RELL1: variants seen among roughly 807,000 people sequenced by gnomAD.
The protein encoded by RELL1 is RELT-like protein 1.
A neutral mutation model predicts 23.0 loss-of-function variants in RELL1; 10 were observed. That is an observed-to-expected ratio of 0.43 (90% confidence interval 0.27 to 0.74). The LOEUF (loss-of-function observed/expected upper bound fraction) is 0.74. Among genes scored for constraint, RELL1 ranks in the 30% least tolerant of loss-of-function variants. The pLI is 0.19. For missense variants in RELL1, 315 were observed against 364.4 expected, an observed-to-expected ratio of 0.86 and a Z score of 1.10; for synonymous variants, 146 against 146.8, an observed-to-expected ratio of 0.99 and a Z score of 0.04.
In RELL1 at chr4:37,673,186, C is replaced by CTTT. The variant is rs71189095; in HGVS notation, c.88+13011_88+13013dup. ...CATCAAGACTATATACTTTTTTTTT[C>CTTT]TTTTTTTTTTTTTTTTTTTTTGAGA... On this transcript the variant is annotated intron_variant, in intron 1 of 6. Coordinates refer to ENST00000454158, the MANE Select transcript of RELL1 (RefSeq NM_001085400.2). Among the ~76,000 whole-genome samples the CTTT allele has an allele frequency of 3.3e-4, 31 of 93,176 alleles. 7 individuals carry two copies. Among genetic ancestry groups the CTTT allele is most frequent in the Admixed American group, 5.4e-4 (3 of 5,590 alleles). The allele number at this position is 93,176 out of a possible 152,430, so 61.1% of individuals were successfully genotyped here. A position where few individuals can be genotyped will look rare whatever the true frequency, so the allele number is the denominator to read the frequency against.
intron 1 of RELL1, among the ~76,000 whole-genome samples, chr4:37,671,047 G>A (rs1416553207): frequency 6.6e-6 from 1 of 152,096 alleles, no homozygotes; most frequent in African/African-American, 2.4e-5. Context: ...CACCAACCGG[G>A]TGTCCCACAA....
chr4:37,627,093 G>A (rs1286411823), intron 6 of RELL1, among the ~76,000 whole-genome samples: 3 of 152,270 alleles, frequency 2.0e-5, no homozygotes, highest in South Asian at 2.1e-4. Context: ...TTTAGCCATC[G>A]CAGTGTACAC....
chr4:37,615,926 C>G (rs1719559897), intron 6 of RELL1, among the ~76,000 whole-genome samples: 2 of 151,930 alleles, frequency 1.3e-5, no homozygotes, highest in Non-Finnish European at 2.9e-5. Flanking sequence ...CCATATGTCT[C>G]TGATTAGGAT....
chr4:37,604,829 AC>A (rs1719123322), intron 6 of RELL1, among the ~76,000 whole-genome samples: 1 of 90,020 alleles, frequency 1.1e-5, no homozygotes, highest in Admixed American at 1.1e-4. Context: ...ACAGACACAC[AC>A]ATACACACAG....
intron 6 of RELL1, among the ~76,000 whole-genome samples, chr4:37,592,551 T>G (rs1284418479): frequency 1.3e-5 from 2 of 152,268 alleles, no homozygotes; most frequent in East Asian, 3.9e-4. Context: ...ACAACCATTC[T>G]AACGTAACTC....
At chr4:37,642,032 G>A (rs913949564) in intron 3 of RELL1, among the ~76,000 whole-genome samples, 2 of 152,140 alleles carry the variant, frequency 1.3e-5, no homozygotes, top group African/African-American at 4.8e-5. Context: ...CTGACTCCAG[G>A]GTGGGTGCTT....
At chr4:37,605,842 A>AGAAAGAAAGAAG (rs1560324772), downstream of RELL1, among the ~76,000 whole-genome samples, 4 of 117,472 alleles carry the variant, frequency 3.4e-5, no homozygotes, top group Admixed American at 1.6e-4. Context: ...AAAGAAAGAA[A>AGAAAGAAAGAAG]GAAGGAAAAG....
intron 3 of RELL1, among the ~76,000 whole-genome samples, chr4:37,642,991 A>C (rs1720580874): frequency 6.6e-6 from 1 of 152,174 alleles, no homozygotes; most frequent in Admixed American, 6.5e-5. Context: ...ATAACAAGCC[A>C]GTACATGTAA....
Position 37,673,172 on chromosome 4 carries a change from T to C in RELL1, c.88+13028A>G, listed in dbSNP as rs149167620. Among the ~76,000 whole-genome samples, 601 of 132,920 alleles carry C rather than the reference T, an allele frequency of 4.5e-3. 8 individuals carry two copies. Among genetic ancestry groups the C allele is most frequent in the African/African-American group, 0.015 (542 of 35,598 alleles). 87.2% of individuals were successfully genotyped at this position (132,920 alleles called of 152,430 possible). On this transcript the variant is annotated intron_variant, in intron 1 of 6. Transcript: ENST00000454158. ...TCACACCACCAAGCCATCAAGACTA[T>C]ATACTTTTTTTTTCTTTTTTTTTTT...
At chr4:37,676,235 A>G (rs1722020990) in intron 1 of RELL1, among the ~76,000 whole-genome samples, 1 of 152,112 alleles carries the variant, frequency 6.6e-6, no homozygotes, top group South Asian at 2.1e-4. Flanking sequence ...CTGATAACCT[A>G]CTAGCTCCAT....
intron 1 of RELL1, among the ~76,000 whole-genome samples, chr4:37,668,525 G>T (rs1392785657): frequency 4.6e-5 from 7 of 152,032 alleles, no homozygotes; most frequent in South Asian, 2.1e-4. Flanking sequence ...GTGCTCAATG[G>T]TGCCCAGGCT....
intron 5 of RELL1, 53 bp from the exon 6 acceptor site, chr4:37,631,576 A>G: frequency 1.0e-5 from 16 of 1,587,186 alleles, no homozygotes; most frequent in Non-Finnish European, 1.2e-5. Flanking sequence ...ATAAACAAGA[A>G]TTATGAATAA....
At chr4:37,677,801 T>C (rs1722067494) in intron 1 of RELL1, among the ~76,000 whole-genome samples, 1 of 151,914 alleles carries the variant, frequency 6.6e-6, no homozygotes, top group Non-Finnish European at 1.5e-5. Context: ...TGAAACCCAG[T>C]CTCTACTTAA....
At chr4:37,615,535 G>C (rs1444494729) in intron 6 of RELL1, among the ~76,000 whole-genome samples, 1 of 152,108 alleles carries the variant, frequency 6.6e-6, no homozygotes, top group African/African-American at 2.4e-5. Context: ...CACCAGAAAG[G>C]CTAACAGGAG....
At chr4:37,679,975 A>G (rs918022532) in intron 1 of RELL1, among the ~76,000 whole-genome samples, 33 of 152,178 alleles carry the variant, frequency 2.2e-4, no homozygotes, top group Admixed American at 2.2e-3. Context: ...AAAACCTCAC[A>G]TTAGTTCAAG....
intron 4 of RELL1, among the ~76,000 whole-genome samples, chr4:37,637,827 A>C (rs912490661): frequency 3.9e-5 from 6 of 152,200 alleles, no homozygotes; most frequent in Non-Finnish European, 5.9e-5. Flanking sequence ...CCATAACCTA[A>C]AATAGTAATA....
chr4:37,590,113 C>A (rs1318271153), downstream of RELL1: 8 of 1,613,462 alleles, frequency 5.0e-6, no homozygotes, highest in Middle Eastern at 1.6e-4. Flanking sequence ...AGTTCAAGTG[C>A]CCTCTCCTGG....
chr4:37,671,768 T>C (rs1296854335), intron 1 of RELL1, among the ~76,000 whole-genome samples: 1 of 51,702 alleles, frequency 1.9e-5, no homozygotes, highest in Non-Finnish European at 9.6e-5. Flanking sequence ...TTTATTCCTT[T>C]ACTTTCCAAT....
chr4:37,612,322 T>TTAAAAAAAAAAAA lies in RELL1; in HGVS notation c.*1023_*1024insTTTTTTTTTTTTA, dbSNP rs546339779. On this transcript the variant is annotated 3_prime_UTR_variant, in exon 7 of 7. Transcript: ENST00000454158. ...AACCAAGAATCGCTCAGCTAAAGGT[T>TTAAAAAAAAAAAA]AAAAAAAAAAAAAAAACAAAAAAAA... Among the ~76,000 whole-genome samples the TTAAAAAAAAAAAA allele has an allele frequency of 1.2e-5, 1 of 83,508 alleles. No homozygotes were observed. The allele number at this position is 83,508 out of a possible 152,430, so 54.8% of individuals were successfully genotyped here.
Sources: allele counts gnomAD v4.1 joint callset (sites outside exome capture counted in the v4.1 genomes callset), GRCh38; gene constraint gnomAD v4.1.1; transcripts MANE v1.5; gene names NCBI Gene and HGNC (gene_info 2026-07-23, HGNC 2026-07-21).